SNCG: variants seen among roughly 807,000 people sequenced by gnomAD.
SNCG encodes the protein synuclein gamma, also known as gamma-synuclein.
SNCG carries 13 observed loss-of-function variants against 16.0 expected under a neutral mutation model. That is an observed-to-expected ratio of 0.81 (90% CI 0.53 to 1.29). The LOEUF is 1.29. Among genes scored for constraint, SNCG ranks in the 50% most tolerant of loss-of-function variants. The probability of loss-of-function intolerance (pLI) is 0.00; values close to 1 mark genes in which losing one functional copy is unlikely to be tolerated. For synonymous variants in SNCG, 66 were observed against 66.3 expected (o/e 1.00, Z 0.02); for missense variants, 154 against 168.5 (o/e 0.91, Z 0.48).
chr10:86,958,576 C>T (rs1209509703), upstream of SNCG: 39 of 1,274,840 alleles, frequency 3.1e-5, no homozygotes, highest in Middle Eastern at 3.4e-4. Flanking sequence ...AATATTTCAT[C>T]GGCGTCAATA....
At chr10:86,958,578 G>A, upstream of SNCG, 1 of 1,505,820 alleles carries the variant, frequency 6.6e-7, no homozygotes, top group Non-Finnish European at 8.9e-7. Flanking sequence ...TATTTCATCG[G>A]CGTCAATAGG....
intron 3 of SNCG, among the ~76,000 whole-genome samples, chr10:86,960,832 A>T (rs1204915670): frequency 1.3e-5 from 2 of 152,232 alleles, no homozygotes; most frequent in African/African-American, 4.8e-5. Context: ...GTGACACAGC[A>T]AGCTCTGCTT....
At chr10:86,958,452 G>A (rs978595924), upstream of SNCG, 13 of 985,404 alleles carry the variant, frequency 1.3e-5, no homozygotes, top group African/African-American at 2.3e-4. Flanking sequence ...CAGGGAGCCT[G>A]GTCTCTGCCT....
chr10:86,958,928 G>T, intron 1 of SNCG, 110 bp downstream of exon 1: 1 of 1,229,510 alleles, frequency 8.1e-7, no homozygotes, highest in South Asian at 1.5e-5. Flanking sequence ...GGGAGGGGGC[G>T]AGGCCCTGGC....
At chr10:86,961,352 G>A (rs561834311) in intron 3 of SNCG, among the ~76,000 whole-genome samples, 138 of 152,132 alleles carry the variant, frequency 9.1e-4, no homozygotes, top group Non-Finnish European at 1.7e-3. Context: ...TGAGAGTGTC[G>A]GCCTCCCTGG....
At chr10:86,957,552 G>A, upstream of SNCG, 2 of 1,601,848 alleles carry the variant, frequency 1.2e-6, no homozygotes, top group Non-Finnish European at 1.7e-6. Context: ...CTTGGTGGTG[G>A]GGCAGGCTCA....
upstream of SNCG, chr10:86,958,543 G>A (rs1054077966): frequency 2.9e-6 from 4 of 1,366,092 alleles, no homozygotes; most frequent in African/African-American, 4.5e-5. Flanking sequence ...AGGGCTGGCT[G>A]GGCTCCAGCT....
At position 86,960,868 on chromosome 10, in the gene SNCG, T is replaced by C. The variant is rs554171405; in HGVS notation, c.291+740T>C. On this transcript the variant is annotated intron_variant, in intron 3 of 4. Coordinates refer to ENST00000372017, the MANE Select transcript of SNCG (RefSeq NM_003087.3). Reference sequence around the variant, plus strand: ...TACGCATTGTACGCTTATTAGTTCATTTAATAGACACAAAATCCATGAGAC... The same window carrying C: ...TACGCATTGTACGCTTATTAGTTCACTTAATAGACACAAAATCCATGAGAC... Among the ~76,000 whole-genome samples the C allele has an allele frequency of 2.6e-5, 4 of 152,336 alleles. No homozygotes were observed. The South Asian group carries it at 8.3e-4, about 32-fold the overall frequency.
upstream of SNCG, chr10:86,957,840 C>T (rs1311318926): frequency 1.7e-6 from 2 of 1,180,836 alleles, no homozygotes; most frequent in Non-Finnish European, 1.0e-6. Context: ...TTATGGGAAC[C>T]TGCTCCCTGG....
At position 86,960,096 on chromosome 10, in the gene SNCG, A is replaced by G. The variant is rs374591270; in HGVS notation, c.259A>G (p.Asn87Asp). Residue 87 changes from asparagine (N) to aspartate (D), a missense_variant, in exon 3 of 5, where the codon AAC (asparagine) becomes GAC (aspartate). Asn to Asp is a conservative substitution (Grantham distance 23). Coordinates refer to ENST00000372017, the MANE Select transcript of SNCG (RefSeq NM_003087.3). ...CACCAAGACCGTGGAGGAGGCGGAGAACATCGCGGTCACCTCCGGGGTGGT... is the reference window on the plus strand; with the variant it reads ...CACCAAGACCGTGGAGGAGGCGGAGGACATCGCGGTCACCTCCGGGGTGGT... ...VATKTVEEAE[N>D]IAVTSGVVRK... 6.2e-7 allele frequency: 1 copy of G among 1,613,062 alleles called. No individual in the cohort carries two copies. Among genetic ancestry groups the G allele is most frequent in the African/African-American group, 1.3e-5 (1 of 74,928 alleles).
chr10:86,956,415 C>T (rs1386884725), upstream of SNCG, among the ~76,000 whole-genome samples: 2 of 152,162 alleles, frequency 1.3e-5, no homozygotes, highest in African/African-American at 4.8e-5. Context: ...TCTCATACAC[C>T]GCACAGAAGT....
upstream of SNCG, chr10:86,958,249 C>T (rs1442287070): frequency 1.0e-6 from 1 of 971,446 alleles, no homozygotes; most frequent in Non-Finnish European, 1.2e-6. Flanking sequence ...GGCCAAGGCG[C>T]CTCCCCTCTC....
rs371943257 is a variant in SNCG at position 86,958,747 on chromosome 10, G to T, written c.50G>T (p.Gly17Val). Reference protein sequence around the residue: ...GFSIAKEGVVGAVEKTKQGVT... With the variant: ...GFSIAKEGVVVAVEKTKQGVT... ...TCCATCGCCAAGGAGGGCGTGGTGG[G>T]TGCGGTGGAAAAGACCAAGCAGGGG... is the stretch of plus-strand genomic sequence containing the variant. Residue 17 changes from glycine (G) to valine (V), a missense_variant, in exon 1 of 5, where the codon GGT becomes GTT. Gly to Val is a moderately radical substitution (Grantham distance 109). Transcript: ENST00000372017. 5.0e-6 allele frequency: 8 copies of T among 1,613,994 alleles called. No individual in the cohort carries two copies. In the South Asian group the frequency reaches 7.7e-5, roughly 16 times the overall value.
In SNCG at chr10:86,963,028, G is replaced by T; in HGVS notation, c.*43G>T. Reference sequence around the variant, plus strand: ...TGGATGACCTGAAGAGCGCTCCTCTGCCTTGGACACCATCCCCTCCTAGCA... The same window carrying T: ...TGGATGACCTGAAGAGCGCTCCTCTTCCTTGGACACCATCCCCTCCTAGCA... On this transcript the variant is annotated 3_prime_UTR_variant, in exon 5 of 5. Coordinates refer to ENST00000372017, the MANE Select transcript of SNCG (RefSeq NM_003087.3). 1 of 1,576,802 alleles carries T rather than the reference G, an allele frequency of 6.3e-7. No homozygotes were observed. Among genetic ancestry groups the T allele is most frequent in the South Asian group, 1.2e-5 (1 of 85,862 alleles).
At chr10:86,960,331 ACCAC>A (rs1844321662) in intron 3 of SNCG, among the ~76,000 whole-genome samples, 3 of 152,164 alleles carry the variant, frequency 2.0e-5, no homozygotes, top group Non-Finnish European at 4.4e-5. Context: ...AATCACCACA[ACCAC>A]CCCTTCGGGG....
upstream of SNCG, chr10:86,957,291 C>A (rs1844250393): frequency 7.2e-7 from 1 of 1,387,860 alleles, no homozygotes; most frequent in Non-Finnish European, 1.0e-6. Context: ...AGATGGGACC[C>A]CAGTGAGGTC....
At position 86,959,599 on chromosome 10, in the gene SNCG, G is replaced by A. The variant is rs749490765; in HGVS notation, c.122-34G>A. 20 of 1,610,464 alleles carry A rather than the reference G, an allele frequency of 1.2e-5. No individual in the cohort carries two copies. The highest frequency in any genetic ancestry group is 5.0e-5 in the Admixed American group (3 of 59,988). On this transcript the variant is annotated intron_variant, in intron 1 of 4. Transcript: ENST00000372017. This position sits in a 1 kb window ranked among gnomAD's most constrained non-coding sequence, Gnocchi z 4.3. The stretch of plus-strand genomic sequence containing the variant: ...CCTGACCGCCCCCAACACCTCGAGG[G>A]AGGTCTGGGCTGACAGCTCCATTTC...
At position 86,959,356 on chromosome 10, in the gene SNCG, G is replaced by C; in HGVS notation, c.122-277G>C. 2 of 563,270 alleles carry C rather than the reference G, an allele frequency of 3.6e-6. No homozygotes were observed. Among genetic ancestry groups the C allele is most frequent in the South Asian group, 2.2e-5 (1 of 46,124 alleles). 34.9% of individuals were successfully genotyped at this position (563,270 alleles called of 1,614,324 possible). A position where few individuals can be genotyped will look rare whatever the true frequency, so the allele number is the denominator to read the frequency against. ...GTCCTGTTGCTGCTTCTGAGGCCCG[G>C]CCACACCCGGGCAGGGGCTGGACCC... On this transcript the variant is annotated intron_variant, in intron 1 of 4. Transcript: ENST00000372017. This position sits in a 1 kb window ranked among gnomAD's most constrained non-coding sequence, Gnocchi z 4.3.
At chr10:86,956,200 G>T (rs899768020), upstream of SNCG, among the ~76,000 whole-genome samples, 5 of 126,898 alleles carry the variant, frequency 3.9e-5, no homozygotes, top group African/African-American at 1.5e-4. Flanking sequence ...TCCCAGCCCT[G>T]AGCAGAGTTG....
Sources: gnomAD v4.1 joint callset for allele counts (sites outside exome capture counted in the v4.1 genomes callset) on GRCh38, gnomAD v4.1.1 for gene constraint, Gnocchi (gnomAD v3.1) non-coding constraint, MANE v1.5 for transcripts, NCBI Gene and HGNC (gene_info 2026-07-23, HGNC 2026-07-21) for gene names.